GPR158: variants seen among roughly 807,000 people sequenced by gnomAD.
GPR158 encodes G protein-coupled receptor 158, also known as metabotropic glycine receptor.
A neutral mutation model predicts 78.2 loss-of-function variants in GPR158; 30 were observed. The observed-to-expected ratio is 0.38, with a 90% CI of 0.29 to 0.52. The LOEUF (loss-of-function observed/expected upper bound fraction) is 0.52. Ranked by LOEUF, GPR158 falls within the 20% of genes least tolerant of loss-of-function variation. GPR158 has a pLI of 0.83. For missense variants in GPR158, 1,463 were observed against 1,523.5 expected (o/e 0.96, Z 0.66); for synonymous variants, 581 against 591.1 (o/e 0.98, Z 0.25).
rs148224662 is a variant in GPR158 at position 25,261,677 on chromosome 10, C to T, written c.1008+40520C>T. ...TTAGAGCCAATTAACACGGCGGAGT[C>T]AGTTGTCTTTTTGAGTAATGCATAT... On this transcript the variant is annotated intron_variant, in intron 2 of 10. Transcript: ENST00000376351. Among the ~76,000 whole-genome samples, 678 of 152,224 alleles carry T rather than the reference C, an allele frequency of 4.5e-3. 4 individuals are homozygous for T. Among genetic ancestry groups the T allele is most frequent in the African/African-American group, 0.014 (599 of 41,554 alleles).
At chr10:25,321,216 G>A (rs1367271575) in intron 2 of GPR158, among the ~76,000 whole-genome samples, 1 of 152,136 alleles carries the variant, frequency 6.6e-6, no homozygotes, top group Admixed American at 6.5e-5. Flanking sequence ...TGCTAAATAT[G>A]TATTTTTATT....
chr10:25,570,942 C>A (rs1836998026), intron 6 of GPR158, among the ~76,000 whole-genome samples: 1 of 151,944 alleles, frequency 6.6e-6, no homozygotes, highest in Non-Finnish European at 1.5e-5. Flanking sequence ...ATAGAGTAGT[C>A]TCCTTTTGTT....
intron 5 of GPR158, among the ~76,000 whole-genome samples, chr10:25,542,428 A>G (rs974931547): frequency 6.6e-6 from 1 of 152,172 alleles, no homozygotes; most frequent in Non-Finnish European, 1.5e-5. Context: ...TCCCTCTTTT[A>G]AAAGCACTGG....
chr10:25,329,280 C>CA (rs1358610223), intron 2 of GPR158, among the ~76,000 whole-genome samples: 103 of 147,682 alleles, frequency 7.0e-4, no homozygotes, highest in Non-Finnish European at 8.4e-4. Flanking sequence ...ACTAAAAATA[C>CA]AAAAAAAAAA....
intron 5 of GPR158, among the ~76,000 whole-genome samples, chr10:25,467,998 T>C (rs546824454): frequency 6.6e-6 from 1 of 152,260 alleles, no homozygotes; most frequent in African/African-American, 2.4e-5. Flanking sequence ...TTCTGCCTAA[T>C]GGCAGCATTG....
At chr10:25,451,680 C>T (rs1835218680) in intron 4 of GPR158, among the ~76,000 whole-genome samples, 1 of 151,960 alleles carries the variant, frequency 6.6e-6, no homozygotes, top group African/African-American at 2.4e-5. Context: ...TTTTTTTTAA[C>T]CTCTCTAATC....
At chr10:25,540,515 C>T (rs1836564851) in intron 5 of GPR158, among the ~76,000 whole-genome samples, 1 of 152,152 alleles carries the variant, frequency 6.6e-6, no homozygotes, top group South Asian at 2.1e-4. Context: ...TGGCACTATT[C>T]ACAATAGCAA....
intron 2 of GPR158, among the ~76,000 whole-genome samples, chr10:25,370,724 G>T (rs1454877634): frequency 6.6e-6 from 1 of 151,250 alleles, no homozygotes; most frequent in Admixed American, 6.6e-5. Context: ...GGGTATCCTT[G>T]TTAACTTTCT....
intron 5 of GPR158, among the ~76,000 whole-genome samples, chr10:25,491,229 A>G (rs1176361971): frequency 2.0e-5 from 3 of 152,090 alleles, no homozygotes; most frequent in Non-Finnish European, 4.4e-5. Flanking sequence ...GTTTCTTTAC[A>G]TTTCCCAGCC....
chr10:25,176,053 C>T lies in GPR158; in HGVS notation c.633C>T (p.Pro211=), dbSNP rs1306576221. ...TCCAAGACCTGTCCTCCTCCGCACC[C>T]CACCTGGCCAACGCCACTCTGGAGA... ...ILLQDLSSSA[P]HLANATLETE... Residue 211 remains proline (P), a synonymous_variant, in exon 1 of 11, where the codon CCC becomes CCT. Transcript: ENST00000376351. This position sits in a 1 kb window ranked among gnomAD's most constrained non-coding sequence, Gnocchi z 6.3. 1.9e-6 allele frequency: 3 copies of T among 1,607,270 alleles called. No homozygotes were observed. In the African/African-American group the frequency reaches 4.0e-5, roughly 21 times the overall value.
intron 5 of GPR158, among the ~76,000 whole-genome samples, chr10:25,489,972 A>G (rs540486055): frequency 6.6e-6 from 1 of 152,176 alleles, no homozygotes; most frequent in Non-Finnish European, 1.5e-5. Context: ...GCAAGAAAAA[A>G]AGCAGATTTA....
At chr10:25,466,796 A>T in intron 5 of GPR158, 77 bp downstream of exon 5, 1 of 667,568 alleles carries the variant, frequency 1.5e-6, no homozygotes. Context: ...TTACACACAC[A>T]CACACACACA....
At chr10:25,414,685 A>C (rs1183908155) in intron 4 of GPR158, among the ~76,000 whole-genome samples, 1 of 152,172 alleles carries the variant, frequency 6.6e-6, no homozygotes. Flanking sequence ...TGTCTTTGCA[A>C]CATTTCTTTG....
At position 25,403,075 on chromosome 10, in the gene GPR158, TTA is replaced by T. The variant is rs1237408303; in HGVS notation, c.1111+7066_1111+7067del. ...ATATCATCTTTCTAAAAATTTGGAA[TTA>T]TATTTATTTAAAATATACATAGTTT... On this transcript the variant is annotated intron_variant, in intron 3 of 10. Coordinates refer to ENST00000376351, the MANE Select transcript of GPR158 (RefSeq NM_020752.3). Among the ~76,000 whole-genome samples the T allele has an allele frequency of 3.3e-5, 5 of 152,012 alleles. No individual in the cohort carries two copies. In the South Asian group the frequency reaches 1.0e-3, roughly 32 times the overall value.
chr10:25,312,290 C>A (rs547579127), intron 2 of GPR158, among the ~76,000 whole-genome samples: 1 of 152,078 alleles, frequency 6.6e-6, no homozygotes, highest in South Asian at 2.1e-4. Flanking sequence ...GAAATTGTTT[C>A]ACCGAGTTAT....
chr10:25,459,439 A>G (rs1835330117), intron 4 of GPR158, among the ~76,000 whole-genome samples: 1 of 152,170 alleles, frequency 6.6e-6, no homozygotes, highest in Admixed American at 6.5e-5. Context: ...ATTTATCTTC[A>G]GAGGTTTCTT....
intron 5 of GPR158, among the ~76,000 whole-genome samples, chr10:25,502,949 T>C (rs556730775): frequency 6.6e-6 from 1 of 152,338 alleles, no homozygotes; most frequent in African/African-American, 2.4e-5. Flanking sequence ...AAAATTGTTA[T>C]ATAGTGCTAT....
chr10:25,270,527 C>G (rs1411903621), intron 2 of GPR158, among the ~76,000 whole-genome samples: 1 of 152,040 alleles, frequency 6.6e-6, no homozygotes, highest in African/African-American at 2.4e-5. Flanking sequence ...TTTGGCTGTC[C>G]CAAAGGCACT....
At chr10:25,470,403 C>G (rs1248460654) in intron 5 of GPR158, among the ~76,000 whole-genome samples, 1 of 152,028 alleles carries the variant, frequency 6.6e-6, no homozygotes, top group African/African-American at 2.4e-5. Flanking sequence ...CTCCCTTCCA[C>G]CCAGCAAGAA....
Sources: gnomAD v4.1 joint callset for allele counts (sites outside exome capture counted in the v4.1 genomes callset) on GRCh38, gnomAD v4.1.1 for gene constraint, Gnocchi (gnomAD v3.1) non-coding constraint, MANE v1.5 for transcripts, NCBI Gene and HGNC (gene_info 2026-07-23, HGNC 2026-07-21) for gene names.